The following SMPD2 variants were observed in gnomAD, a reference collection of about 807,000 sequenced individuals.
The protein encoded by SMPD2 is N-SMase.
Under a neutral mutation model 41.7 loss-of-function variants are expected in SMPD2, and 35 were observed. The ratio of observed to expected loss-of-function variants is 0.84; its 90% CI spans 0.64 to 1.11. The LOEUF (loss-of-function observed/expected upper bound fraction) is 1.11. Ranked by LOEUF, SMPD2 falls within the 50% of genes most tolerant of loss-of-function variation. The probability of loss-of-function intolerance (pLI) is 0.00; values close to 1 mark genes in which losing one functional copy is unlikely to be tolerated. For synonymous variants in SMPD2, 201 were observed against 208.2 expected (o/e 0.97, Z 0.30); for missense variants, 520 against 524.8 (o/e 0.99, Z 0.09).
rs751150737 is a variant in SMPD2, at chr6:109,443,428, AC to A, written c.883+13del. On this transcript the variant is annotated intron_variant, in intron 9 of 9. Coordinates refer to ENST00000258052, the MANE Select transcript of SMPD2 (RefSeq NM_003080.3). ...ACCCCAGCTCTACCCACGGTGAGTC[AC>A]CCCCACCCTTTCCTTGGCCCTTGCC... is the stretch of plus-strand genomic sequence containing the variant. 3.1e-6 allele frequency: 5 copies of A among 1,612,274 alleles called. 1 individual carries two copies.
Position 109,441,882 on chromosome 6 carries a change from A to G in SMPD2, c.225-92A>G, listed in dbSNP as rs1303176581. ...AGTCCCAGCAGTAGAAAAAGAAAAA[A>G]ATAGCTGATCAGAGCTGGAAGACAA... On this transcript the variant is annotated intron_variant, in intron 3 of 9. Transcript: ENST00000258052. The G allele has an allele frequency of 1.9e-5, 24 of 1,236,020 alleles. No homozygotes were observed. The Admixed American group carries it at 4.1e-4, about 21-fold the overall frequency. The allele number at this position is 1,236,020 out of a possible 1,614,324, so 76.6% of individuals were successfully genotyped here.
At chr6:109,441,690 C>A in intron 3 of SMPD2, 62 bp downstream of exon 3, 6 of 1,446,344 alleles carry the variant, frequency 4.1e-6, no homozygotes, top group Non-Finnish European at 4.9e-6. Context: ...CCTGCCAGCC[C>A]TTCCCTATCC....
chr6:109,442,721 A>T, intron 6 of SMPD2, 31 bp from the exon 7 acceptor site: 1 of 1,610,416 alleles, frequency 6.2e-7, no homozygotes, highest in Non-Finnish European at 8.5e-7. Flanking sequence ...GTGATGGAAG[A>T]ACTCCCGCCT....
Position 109,442,997 on chromosome 6 carries a change from A to G in SMPD2, c.645A>G (p.Thr215=). The change falls in exon 8 of 10, where the codon ACA becomes ACG. Residue 215 remains threonine, a synonymous_variant. Coordinates refer to ENST00000258052, the MANE Select transcript of SMPD2 (RefSeq NM_003080.3). ...RDFKGSEEGN[T]MVPKNCYVSQ... ...CTTAGGGCTCTGAGGAAGGCAACAC[A>G]ATGGTACCCAAGAACTGCTACGTCA... 6.2e-7 allele frequency: 1 copy of G among 1,614,152 alleles called. No individual in the cohort carries two copies. The highest frequency in any genetic ancestry group is 2.2e-5 in the East Asian group (1 of 44,886).
chr6:109,443,850 C>T lies in SMPD2; in HGVS notation c.1217C>T (p.Pro406Leu). ...AREAQDLGPE[P>L]QPALLLGQQE... ...GAGGCCCAGGATCTGGGCCCAGAGC[C>T]TCAGCCAGCCCTACTCCTGGGGCAG... The change falls in exon 10 of 10, where the codon CCT (proline) becomes CTT (leucine). Residue 406 changes from proline (P) to leucine (L), a missense_variant. By Grantham distance (98) the Pro-to-Leu change is moderately conservative. Coordinates refer to ENST00000258052, the MANE Select transcript of SMPD2 (RefSeq NM_003080.3). The T allele has an allele frequency of 6.2e-7, 1 of 1,613,558 alleles. No homozygotes were observed. The highest frequency in any genetic ancestry group is 8.5e-7 in the Non-Finnish European group (1 of 1,179,944).
chr6:109,443,310 C>T lies in SMPD2; in HGVS notation c.773C>T (p.Thr258Ile), dbSNP rs1489563927. 6.2e-7 allele frequency: 1 copy of T among 1,613,982 alleles called. No individual in the cohort carries two copies. The highest frequency in any genetic ancestry group is 1.3e-5 in the African/African-American group (1 of 74,920). ...ATCTCCTGTAAGAGTTTTGAAACCA[C>T]TACAGGCTTTGACCCTCACAGGGGC... ...FYISCKSFET[T>I]TGFDPHRGTP... The change falls in exon 9 of 10, where the codon ACT becomes ATT. Residue 258 changes from threonine to isoleucine, a missense_variant. Transcript: ENST00000258052.
chr6:109,441,486 C>A, intron 2 of SMPD2, 33 bp downstream of exon 2: 1 of 1,612,228 alleles, frequency 6.2e-7, no homozygotes, highest in Non-Finnish European at 8.5e-7. Context: ...GGAACCCAGG[C>A]TGGGAGGAGG....
chr6:109,443,747 T>C lies in SMPD2; in HGVS notation c.1114T>C (p.Tyr372His). ...VGLVLWAGAF[Y>H]LFHVQEVNGL... ...GCTGGTGCTGTGGGCAGGTGCATTC[T>C]ACCTCTTCCACGTACAGGAGGTCAA... Residue 372 changes from tyrosine (Y) to histidine (H), a missense_variant, in exon 10 of 10, where the codon TAC becomes CAC. Transcript: ENST00000258052. The C allele has an allele frequency of 2.5e-6, 4 of 1,614,062 alleles. No homozygotes were observed. Among genetic ancestry groups the C allele is most frequent in the East Asian group, 2.2e-5 (1 of 44,866 alleles).
chr6:109,442,325 G>C, intron 5 of SMPD2, 26 bp downstream of exon 5: 1 of 1,593,838 alleles, frequency 6.3e-7, no homozygotes, highest in Non-Finnish European at 8.6e-7. Context: ...AGTGCCTAGG[G>C]CTGGGACATG....
Position 109,442,079 on chromosome 6 carries a change from C to T in SMPD2, c.318+12C>T, listed in dbSNP as rs765376972. On this transcript the variant is annotated intron_variant, in intron 4 of 9. Transcript: ENST00000258052. ...GCTACCCCTACATGGTAAGGCAGAC[C>T]TTTGACCTCTTCCACCTCCCTTCCC... The T allele has an allele frequency of 1.2e-6, 2 of 1,601,316 alleles. No individual in the cohort carries two copies. Among genetic ancestry groups the T allele is most frequent in the East Asian group, 4.5e-5 (2 of 44,826 alleles).
chr6:109,442,146 G>A (rs186665786), intron 4 of SMPD2, 64 bp from the exon 5 acceptor site: 100 of 1,592,598 alleles, frequency 6.3e-5, no homozygotes, highest in Non-Finnish European at 8.2e-5. Context: ...CCCTCTGAGA[G>A]CTGCAGGGGA....
At chr6:109,443,110 A>C in intron 8 of SMPD2, 29 bp downstream of exon 8, 3 of 1,583,540 alleles carry the variant, frequency 1.9e-6, no homozygotes, top group Non-Finnish European at 2.6e-6. Context: ...ACATGCTTTC[A>C]TATGCTGTGT....
rs1277778225 is a variant in SMPD2 at position 109,441,415 on chromosome 6, C to T, written c.109C>T (p.Leu37=). 2 of 1,614,098 alleles carry T rather than the reference C, an allele frequency of 1.2e-6. No homozygotes were observed. The change falls in exon 2 of 10, where the codon CTG becomes TTG. Residue 37 remains leucine (L), a synonymous_variant. Transcript: ENST00000258052. ...ADRMRRLGDF[L]NQESFDLALL... ...CCGCATGAGGCGCCTGGGAGACTTTCTGAACCAGGAGAGCTTCGACCTGGC... is the reference window on the plus strand; with the variant it reads ...CCGCATGAGGCGCCTGGGAGACTTTTTGAACCAGGAGAGCTTCGACCTGGC...
In SMPD2 at chr6:109,442,393, G is replaced by A. The variant is rs943191531; in HGVS notation, c.408+94G>A. ...CTCTAGCTCTCATACCTGGGGATGA[G>A]GTGTGGGGGCAAGATCTTATAAGGA... On this transcript the variant is annotated intron_variant, in intron 5 of 9. Transcript: ENST00000258052. 2.9e-6 allele frequency: 4 copies of A among 1,399,028 alleles called. No individual in the cohort carries two copies. In the African/African-American group the frequency reaches 5.7e-5, roughly 20 times the overall value. 86.7% of individuals were successfully genotyped at this position (1,399,028 alleles called of 1,614,324 possible). A position where few individuals can be genotyped will look rare whatever the true frequency, so the allele number is the denominator to read the frequency against.
chr6:109,441,062 C>G lies in SMPD2; in HGVS notation c.-60C>G. On this transcript the variant is annotated 5_prime_UTR_variant, in exon 1 of 10. Coordinates refer to ENST00000258052, the MANE Select transcript of SMPD2 (RefSeq NM_003080.3). ...AGAAGGCGCCGCCGGCCGCCCCCGT[C>G]CCCACCGCGGCCGTCGCTGGAGAGT... 6.4e-7 allele frequency: 1 copy of G among 1,572,724 alleles called. No individual in the cohort carries two copies. The highest frequency in any genetic ancestry group is 8.7e-7 in the Non-Finnish European group (1 of 1,143,538).
In SMPD2 at chr6:109,442,883, AG is replaced by A. The variant is rs1160494105; in HGVS notation, c.624+1del. 1 of 1,612,552 alleles carries A rather than the reference AG, an allele frequency of 6.2e-7. No homozygotes were observed. The highest frequency in any genetic ancestry group is 1.7e-5 in the Admixed American group (1 of 60,004). On this transcript the variant is annotated frameshift_variant and splice_region_variant, in exon 7 of 10. Coordinates refer to ENST00000258052, the MANE Select transcript of SMPD2 (RefSeq NM_003080.3). LOFTEE classifies it high-confidence loss of function. ...GCCTATCTTGAAACTCGGGACTTCAAGGTGAGGACTTGCCTGTTACTTCCCC... is the reference window on the plus strand; with the variant it reads ...GCCTATCTTGAAACTCGGGACTTCAAGTGAGGACTTGCCTGTTACTTCCCC... ...HDAYLETRDF[K>X]GSEEGNTMVP...
intron 1 of SMPD2, 57 bp from the exon 2 acceptor site, chr6:109,441,300 C>T: frequency 4.4e-6 from 7 of 1,580,946 alleles, no homozygotes; most frequent in Non-Finnish European, 6.1e-6. Flanking sequence ...CCACATCTGG[C>T]CCCAGCGCCG....
At chr6:109,442,941 C>G (rs767789431) in intron 7 of SMPD2, 36 bp from the exon 8 acceptor site, 2 of 1,610,318 alleles carry the variant, frequency 1.2e-6, no homozygotes, top group Middle Eastern at 1.7e-4. Flanking sequence ...CCCTCCTTCT[C>G]CCCCACATCC....
Position 109,440,804 on chromosome 6 carries a change from C to T in SMPD2, c.-318C>T, listed in dbSNP as rs150353891. On this transcript the variant is annotated 5_prime_UTR_variant, in exon 1 of 10. Coordinates refer to ENST00000258052, the MANE Select transcript of SMPD2 (RefSeq NM_003080.3). Reference sequence around the variant, plus strand: ...GGGACGAGCTTGGAGGAAAAGGAACCGGGAGCCGCCCACCCGGGGGCGCTC... The same window carrying T: ...GGGACGAGCTTGGAGGAAAAGGAACTGGGAGCCGCCCACCCGGGGGCGCTC... 0.035 allele frequency: 12,637 copies of T among 364,562 alleles called. 310 individuals carry two copies. Among genetic ancestry groups the T allele is most frequent in the South Asian group, 0.062 (789 of 12,746 alleles). 22.6% of individuals were successfully genotyped at this position (364,562 alleles called of 1,614,324 possible). A position where few individuals can be genotyped will look rare whatever the true frequency, so the allele number is the denominator to read the frequency against.
Sources: gnomAD v4.1 joint callset for allele counts on GRCh38, gnomAD v4.1.1 for gene constraint, MANE v1.5 for transcripts, NCBI Gene and HGNC (gene_info 2026-07-23, HGNC 2026-07-21) for gene names.